PACS2: variants seen among roughly 807,000 people sequenced by gnomAD.
PACS2 encodes the protein PACS1-like protein.
PACS2 carries 36 observed loss-of-function variants against 113.0 expected under a neutral mutation model. That is an observed-to-expected ratio of 0.32 (90% CI 0.24 to 0.42). The LOEUF (loss-of-function observed/expected upper bound fraction) is 0.42, where lower values mean the gene tolerates loss of function less well. Ranked by LOEUF, PACS2 falls within the 10% of genes least tolerant of loss-of-function variation. The probability of loss-of-function intolerance (pLI) is 1.00; values close to 1 mark genes in which losing one functional copy is unlikely to be tolerated. For missense variants in PACS2, 1,015 were observed against 1,239.5 expected (o/e 0.82, Z 2.72); for synonymous variants, 589 against 536.1 (o/e 1.10, Z -1.36).
intron 22 of PACS2, chr14:105,392,291 A>C (rs2141312479): frequency 5.1e-6 from 2 of 393,148 alleles, no homozygotes; most frequent in East Asian, 5.5e-5. Flanking sequence ...CTGTGTTTCC[A>C]GCCGCCGGCT....
intron 4 of PACS2, among the ~76,000 whole-genome samples, chr14:105,360,593 G>A (rs1315079122): frequency 1.3e-5 from 2 of 152,044 alleles, no homozygotes; most frequent in African/African-American, 2.4e-5. Context: ...TGAGCCTTCG[G>A]GGAGTTGTAA....
In PACS2 at chr14:105,384,364, G is replaced by C. The variant is rs781953013; in HGVS notation, c.1792G>C (p.Val598Leu). 2 of 1,608,490 alleles carry C rather than the reference G, an allele frequency of 1.2e-6. No homozygotes were observed. The highest frequency in any genetic ancestry group is 1.1e-5 in the South Asian group (1 of 90,980). ...CCCCTGGCATGCAGGCTCCCACCCC[G>C]TGGCCAGGTACCTAGGCTCCGTGGA... is the stretch of plus-strand genomic sequence containing the variant. ...FLVIPLGSHP[V>L]ARYLGSVDYR... The change falls in exon 17 of 25, where the codon GTG (valine) becomes CTG (leucine). Residue 598 changes from valine (V) to leucine (L), a missense_variant. Physicochemically the swap from Val to Leu is conservative, Grantham distance 32. Coordinates refer to ENST00000447393, the MANE Select transcript of PACS2 (RefSeq NM_001100913.3).
intron 8 of PACS2, among the ~76,000 whole-genome samples, chr14:105,373,446 T>C (rs1433725104): frequency 1.3e-5 from 2 of 152,182 alleles, no homozygotes; most frequent in Non-Finnish European, 2.9e-5. Context: ...TCAACAAAGA[T>C]GTCAAGATAT....
chr14:105,392,547 C>T, intron 22 of PACS2, 72 bp from the exon 23 acceptor site: 1 of 1,355,636 alleles, frequency 7.4e-7, no homozygotes, highest in Non-Finnish European at 1.0e-6. Flanking sequence ...CCTGGCCTGT[C>T]ACAGGGACAG....
rs1295359237 is a variant in PACS2, at chr14:105,365,772, C to T, written c.424-1441C>T. Among the ~76,000 whole-genome samples, 1 of 152,142 alleles carries T rather than the reference C, an allele frequency of 6.6e-6. No homozygotes were observed. The highest frequency in any genetic ancestry group is 1.5e-5 in the Non-Finnish European group (1 of 68,030). The stretch of plus-strand genomic sequence containing the variant: ...GCTTCTGAGCTTCCAGGTTCTCACC[C>T]CTGTGTGACACTGAGACCCTGCCAC... On this transcript the variant is annotated intron_variant, in intron 4 of 24. Coordinates refer to ENST00000447393, the MANE Select transcript of PACS2 (RefSeq NM_001100913.3). This position sits in a 1 kb window ranked among gnomAD's most constrained non-coding sequence, Gnocchi z 5.1.
chr14:105,367,419 C>T (rs1406533669), intron 5 of PACS2, 44 bp downstream of exon 5: 2 of 1,584,210 alleles, frequency 1.3e-6, no homozygotes, highest in East Asian at 2.2e-5. Context: ...TGTGGGGAGG[C>T]CCTGCCTTCC....
rs2060438014 is a variant in PACS2 at position 105,356,177 on chromosome 14, C to T, written c.423+1000C>T. 6.6e-6 allele frequency among the ~76,000 whole-genome samples: 1 copy of T among 152,118 alleles called. No homozygotes were observed. The highest frequency in any genetic ancestry group is 1.5e-5 in the Non-Finnish European group (1 of 67,992). ...AGCTGGTTCCCCCACACCCCCAGGCCCAGCCTGCAGGCCTCCTGTCTCCCA... is the reference window on the plus strand; with the variant it reads ...AGCTGGTTCCCCCACACCCCCAGGCTCAGCCTGCAGGCCTCCTGTCTCCCA... On this transcript the variant is annotated intron_variant, in intron 4 of 24. Coordinates refer to ENST00000447393, the MANE Select transcript of PACS2 (RefSeq NM_001100913.3). This position sits in a 1 kb window ranked among gnomAD's most constrained non-coding sequence, Gnocchi z 4.0.
chr14:105,397,605 C>T lies in PACS2; in HGVS notation c.*2933C>T, dbSNP rs1447328109. 2 of 152,554 alleles carry T rather than the reference C, an allele frequency of 1.3e-5. No homozygotes were observed. The highest frequency in any genetic ancestry group is 2.9e-5 in the Non-Finnish European group (2 of 68,276). The allele number at this position is 152,554 out of a possible 1,614,324, so 9.5% of individuals were successfully genotyped here. ...TGCTGCCTTCCTCTTCCATGTTGGT[C>T]CCCTTGGCCACTGTCTCTGGGCATG... On this transcript the variant is annotated 3_prime_UTR_variant, in exon 25 of 25. Coordinates refer to ENST00000447393, the MANE Select transcript of PACS2 (RefSeq NM_001100913.3).
Position 105,309,254 on chromosome 14 carries a change from G to C in PACS2, c.-83+8275G>C, listed in dbSNP as rs184254768. Among the ~76,000 whole-genome samples, 1 of 152,256 alleles carries C rather than the reference G, an allele frequency of 6.6e-6. No individual in the cohort carries two copies. Among genetic ancestry groups the C allele is most frequent in the East Asian group, 1.9e-4 (1 of 5,194 alleles). The stretch of plus-strand genomic sequence containing the variant: ...GCATCAAGGTCCCTCTTAATCTTGG[G>C]GCTCAGGATAACCACAGTCAAGAGG... On this transcript the variant is annotated intron_variant, in intron 1 of 23. Coordinates refer to the PACS2 transcript ENST00000430725. This position sits in a 1 kb window ranked among gnomAD's most constrained non-coding sequence, Gnocchi z 4.0.
At chr14:105,300,783 C>A (rs1270881351) in exon 1 of PACS2, 6 of 447,056 alleles carry the variant, frequency 1.3e-5, no homozygotes, top group Non-Finnish European at 1.9e-5. Flanking sequence ...CGCAGATTCG[C>A]CGCGCGCGCC....
rs1321236203 is a variant in PACS2 at position 105,348,440 on chromosome 14, G to A, written c.120-53G>A. 17 of 1,387,508 alleles carry A rather than the reference G, an allele frequency of 1.2e-5. No homozygotes were observed. Among genetic ancestry groups the A allele is most frequent in the Admixed American group, 1.0e-4 (6 of 59,286 alleles). The allele number at this position is 1,387,508 out of a possible 1,614,324, so 85.9% of individuals were successfully genotyped here. On this transcript the variant is annotated intron_variant, in intron 1 of 24. Coordinates refer to ENST00000447393, the MANE Select transcript of PACS2 (RefSeq NM_001100913.3). The surrounding 1 kb of genome is among the most constrained non-coding windows in gnomAD (Gnocchi z 6.4). Reference sequence around the variant, plus strand: ...CACAGTGCTGGGACGGCACAGGGCCGCGTCCTGAGGAGAGGGCGGAGCCCC... The same window carrying A: ...CACAGTGCTGGGACGGCACAGGGCCACGTCCTGAGGAGAGGGCGGAGCCCC...
intron 19 of PACS2, among the ~76,000 whole-genome samples, chr14:105,386,870 C>A (rs2081193735): frequency 6.6e-6 from 1 of 152,286 alleles, no homozygotes; most frequent in African/African-American, 2.4e-5. Context: ...CCCCTGCTGA[C>A]CCCCAGCAGC....
intron 16 of PACS2, chr14:105,384,025 C>CACCTCTCCCGTGTGGCCCT (rs2081086738): frequency 8.4e-6 from 3 of 357,670 alleles, no homozygotes; most frequent in Admixed American, 9.1e-5. Flanking sequence ...CTGGAGGCGA[C>CACCTCTCCCGTGTGGCCCT]ACCTCTCCCG....
chr14:105,331,667 G>A (rs2059307690), intron 1 of PACS2, among the ~76,000 whole-genome samples: 1 of 152,216 alleles, frequency 6.6e-6, no homozygotes, highest in South Asian at 2.1e-4. Flanking sequence ...AAGGCCTGTT[G>A]ACATTTAAGG....
intron 10 of PACS2, 50 bp from the exon 11 acceptor site, chr14:105,380,030 C>G (rs1354805451): frequency 6.6e-7 from 1 of 1,512,418 alleles, no homozygotes; most frequent in Admixed American, 2.0e-5. Flanking sequence ...AAGTCAGCGC[C>G]TTGGCACCTG....
At position 105,382,853 on chromosome 14, in the gene PACS2, C is replaced by G; in HGVS notation, c.1565C>G (p.Thr522Arg). 6.2e-7 allele frequency: 1 copy of G among 1,607,396 alleles called. No individual in the cohort carries two copies. Among genetic ancestry groups the G allele is most frequent in the Non-Finnish European group, 8.5e-7 (1 of 1,179,334 alleles). ...AGGCACACGCTCCCCGTGGTGTGCACGTGCTCTCCTGCGGACGTCCAGGCG... is the reference window on the plus strand; with the variant it reads ...AGGCACACGCTCCCCGTGGTGTGCAGGTGCTCTCCTGCGGACGTCCAGGCG... ...LQRHTLPVVC[T>R]CSPADVQAAF... Residue 522 changes from threonine to arginine, a missense_variant, in exon 15 of 25, where the codon ACG becomes AGG. Coordinates refer to ENST00000447393, the MANE Select transcript of PACS2 (RefSeq NM_001100913.3).
rs1053130297 is a variant in PACS2 at position 105,314,975 on chromosome 14, C to G, written c.57C>G (p.Pro19=). 1.1e-5 allele frequency: 14 copies of G among 1,243,376 alleles called. No individual in the cohort carries two copies. The highest frequency in any genetic ancestry group is 1.0e-5 in the Non-Finnish European group (10 of 970,838). The allele number at this position is 1,243,376 out of a possible 1,614,324, so 77.0% of individuals were successfully genotyped here. The part of the protein sequence containing the change: ...LPGAPGALNT[P]VPMNLFATWE... ...GCGCGCCCGGCGCGCTCAACACGCC[C>G]GTGCCCATGAACCTGTTCGCCACCT... The change falls in exon 1 of 25, where the codon CCC becomes CCG. Residue 19 remains proline, a synonymous_variant. Transcript: ENST00000447393.
intron 20 of PACS2, chr14:105,390,868 G>A (rs755552899): frequency 1.8e-5 from 7 of 390,330 alleles, no homozygotes; most frequent in Non-Finnish European, 3.3e-5. Flanking sequence ...TGGCTGCCAG[G>A]TCCGGGGCCT....
At position 105,355,931 on chromosome 14, in the gene PACS2, T is replaced by A. The variant is rs1004737800; in HGVS notation, c.423+754T>A. Among the ~76,000 whole-genome samples, 2 of 152,088 alleles carry A rather than the reference T, an allele frequency of 1.3e-5. No individual in the cohort carries two copies. Among genetic ancestry groups the A allele is most frequent in the Non-Finnish European group, 2.9e-5 (2 of 67,992 alleles). ...GTTTGTCTCTTTTGCTTCAGAACTTTCCCCATCGTGGGGTTGTGTTCAGGG... is the reference window on the plus strand; with the variant it reads ...GTTTGTCTCTTTTGCTTCAGAACTTACCCCATCGTGGGGTTGTGTTCAGGG... On this transcript the variant is annotated intron_variant, in intron 4 of 24. Transcript: ENST00000447393. The surrounding 1 kb of genome is among the most constrained non-coding windows in gnomAD (Gnocchi z 4.1).
Sources: allele counts gnomAD v4.1 joint callset (sites outside exome capture counted in the v4.1 genomes callset), GRCh38; gene constraint gnomAD v4.1.1; non-coding constraint Gnocchi (gnomAD v3.1); transcripts MANE v1.5; gene names NCBI Gene and HGNC (gene_info 2026-07-23, HGNC 2026-07-21).